Variants in CLYBL observed in about 807,000 individuals in gnomAD.
The protein encoded by CLYBL is citramalyl-CoA lyase, mitochondrial.
A neutral mutation model predicts 38.9 loss-of-function variants in CLYBL; 31 were observed. The ratio of observed to expected loss-of-function variants is 0.80; its 90% CI spans 0.60 to 1.08. The LOEUF (loss-of-function observed/expected upper bound fraction) is 1.08. CLYBL is among the 50% of genes least tolerant of loss of function. The pLI is 0.00. For synonymous variants in CLYBL, 171 were observed against 158.6 expected, an observed-to-expected ratio of 1.08 and a Z score of -0.59; for missense variants, 434 against 411.6, an observed-to-expected ratio of 1.05 and a Z score of -0.47.
At chr13:99,751,712 A>G (rs1013025862) in intron 1 of CLYBL, among the ~76,000 whole-genome samples, 1 of 152,216 alleles carries the variant, frequency 6.6e-6, no homozygotes, top group African/African-American at 2.4e-5. Context: ...GAGTTTTGCA[A>G]GATGAAGAGT....
At chr13:99,859,167 T>C (rs2051536696) in intron 3 of CLYBL, 118 bp downstream of exon 3, 2 of 688,430 alleles carry the variant, frequency 2.9e-6, no homozygotes, top group South Asian at 2.7e-5. Context: ...AGGAAGGGAA[T>C]TGAGAAAAAG....
chr13:99,744,693 A>G (rs4771343), intron 1 of CLYBL, among the ~76,000 whole-genome samples: 148,060 of 152,254 alleles, frequency 0.97, 72,165 homozygotes, highest in East Asian at 1. Context: ...AGGAGCTGGG[A>G]CCTAGCACTC....
chr13:99,860,448 C>G (rs1225874066), intron 3 of CLYBL, among the ~76,000 whole-genome samples: 1 of 152,188 alleles, frequency 6.6e-6, no homozygotes, highest in Non-Finnish European at 1.5e-5. Flanking sequence ...TGGAGTTCTT[C>G]TCTCCAGGGT....
intron 2 of CLYBL, among the ~76,000 whole-genome samples, chr13:99,845,918 C>T (rs2051193156): frequency 6.7e-6 from 1 of 149,436 alleles, no homozygotes; most frequent in Admixed American, 6.7e-5. Flanking sequence ...ATAAAATTGA[C>T]AAAGAATAGG....
intron 1 of CLYBL, among the ~76,000 whole-genome samples, chr13:99,771,639 G>C (rs1225630312): frequency 6.6e-6 from 1 of 152,164 alleles, no homozygotes; most frequent in South Asian, 2.1e-4. Context: ...AACAGGCAAG[G>C]GTGGTGGTAA....
intron 2 of CLYBL, among the ~76,000 whole-genome samples, chr13:99,785,950 C>A (rs535812083): frequency 7.9e-5 from 12 of 151,972 alleles, no homozygotes; most frequent in Non-Finnish European, 1.5e-4. Flanking sequence ...ATATTGACTC[C>A]TCACTATGGA....
intron 1 of CLYBL, among the ~76,000 whole-genome samples, chr13:99,642,904 A>G (rs532332765): frequency 9.2e-5 from 14 of 152,262 alleles, no homozygotes; most frequent in African/African-American, 2.4e-4. Context: ...AGCTACAGGC[A>G]TACACCACCA....
intron 2 of CLYBL, among the ~76,000 whole-genome samples, chr13:99,792,083 C>A (rs2049929645): frequency 1.3e-5 from 2 of 152,000 alleles, no homozygotes. Flanking sequence ...ATTTTTTTTC[C>A]CTCCAGAAGC....
At chr13:99,807,027 T>C (rs1212489068) in intron 2 of CLYBL, among the ~76,000 whole-genome samples, 1 of 152,218 alleles carries the variant, frequency 6.6e-6, no homozygotes, top group Non-Finnish European at 1.5e-5. Flanking sequence ...ACCCTAGTGC[T>C]TCCAGTTAGA....
chr13:99,843,141 G>A (rs2051123830), intron 2 of CLYBL, among the ~76,000 whole-genome samples: 1 of 152,208 alleles, frequency 6.6e-6, no homozygotes, highest in Admixed American at 6.5e-5. Context: ...GCAGGAGGCT[G>A]TGAGAGTTGG....
At chr13:99,888,614 G>A (rs1009827621) in intron 7 of CLYBL, among the ~76,000 whole-genome samples, 7 of 152,050 alleles carry the variant, frequency 4.6e-5, no homozygotes, top group African/African-American at 7.2e-5. Flanking sequence ...TTAGCCAAAC[G>A]TGGTGGCACG....
intron 6 of CLYBL, among the ~76,000 whole-genome samples, chr13:99,867,405 A>G (rs2051775112): frequency 6.6e-6 from 1 of 152,212 alleles, no homozygotes; most frequent in African/African-American, 2.4e-5. Flanking sequence ...ATAAAACTGA[A>G]TGACCTAAGA....
intron 2 of CLYBL, among the ~76,000 whole-genome samples, chr13:99,827,945 A>G (rs1331056089): frequency 6.6e-6 from 1 of 152,224 alleles, no homozygotes; most frequent in Non-Finnish European, 1.5e-5. Context: ...AGAAATATAC[A>G]TTAGAAAATT....
At chr13:99,686,481 C>G (rs992295551) in intron 1 of CLYBL, among the ~76,000 whole-genome samples, 42 of 150,584 alleles carry the variant, frequency 2.8e-4, no homozygotes, top group African/African-American at 1.0e-3. Context: ...AGGCCAGGAG[C>G]TGGCCTCAGA....
chr13:99,607,615 G>A (rs774771914), intron 1 of CLYBL, among the ~76,000 whole-genome samples: 1 of 152,052 alleles, frequency 6.6e-6, no homozygotes, highest in Admixed American at 6.6e-5. Context: ...GAAGAAGTTG[G>A]GTGTCATGTT....
chr13:99,789,886 A>G (rs1274095503), intron 2 of CLYBL, among the ~76,000 whole-genome samples: 1 of 152,182 alleles, frequency 6.6e-6, no homozygotes, highest in East Asian at 1.9e-4. Context: ...GTGCTCCTGT[A>G]TTGGGTGCAT....
chr13:99,699,622 G>A (rs2048031139), intron 1 of CLYBL, among the ~76,000 whole-genome samples: 1 of 151,980 alleles, frequency 6.6e-6, no homozygotes, highest in African/African-American at 2.4e-5. Flanking sequence ...GAACCCGGGA[G>A]GCGGAGGTTG....
At chr13:99,845,005 G>A (rs1316099975) in intron 2 of CLYBL, among the ~76,000 whole-genome samples, 1 of 152,172 alleles carries the variant, frequency 6.6e-6, no homozygotes, top group Non-Finnish European at 1.5e-5. Flanking sequence ...ACAGCGTTGT[G>A]ATATGATGGG....
intron 1 of CLYBL, among the ~76,000 whole-genome samples, chr13:99,686,826 T>C (rs6491526): frequency 0.069 from 10,551 of 152,198 alleles, 1,241 homozygotes; most frequent in African/African-American, 0.24. Flanking sequence ...TTAAAGTGTC[T>C]CAGCCGGGGT....
Sources: allele counts gnomAD v4.1 joint callset (sites outside exome capture counted in the v4.1 genomes callset), GRCh38; gene constraint gnomAD v4.1.1; transcripts MANE v1.5; gene names NCBI Gene and HGNC (gene_info 2026-07-23, HGNC 2026-07-21).